NFKB1: variants seen among roughly 807,000 people sequenced by gnomAD.
NFKB1 encodes the protein nuclear factor kappa B subunit 1.
In NFKB1, 9 loss-of-function variants were observed where a neutral mutation model predicts 105.1. That is an observed-to-expected ratio of 0.09 (90% CI 0.05 to 0.15). The LOEUF is 0.15. Among genes scored for constraint, NFKB1 ranks in the 10% least tolerant of loss-of-function variants. NFKB1 has a pLI of 1.00. For missense variants in NFKB1, 830 were observed against 1,203.7 expected (o/e 0.69, Z 4.59); for synonymous variants, 440 against 442.2 (o/e 1.00, Z 0.06).
At chr4:102,547,273 A>G (rs546576769) in intron 5 of NFKB1, among the ~76,000 whole-genome samples, 4 of 152,340 alleles carry the variant, frequency 2.6e-5, no homozygotes, top group African/African-American at 7.2e-5. Flanking sequence ...ATGATTCAAC[A>G]TAGTTAACAT....
At position 102,566,842 on chromosome 4, in the gene NFKB1, T is replaced by G. The variant is rs895311866; in HGVS notation, c.259-145T>G. The stretch of plus-strand genomic sequence containing the variant: ...ACCCTGTCATTTGTTCATCACATAC[T>G]TTTAAAAACAGGGCTGTAATCATGT... On this transcript the variant is annotated intron_variant, in intron 5 of 23. Transcript: ENST00000226574. 13 of 763,564 alleles carry G rather than the reference T, an allele frequency of 1.7e-5. No individual in the cohort carries two copies. In the Admixed American group the frequency reaches 2.5e-4, roughly 15 times the overall value. The allele number at this position is 763,564 out of a possible 1,614,324, so 47.3% of individuals were successfully genotyped here.
chr4:102,576,857 G>C lies in NFKB1; in HGVS notation c.408-19G>C. The C allele has an allele frequency of 6.3e-7, 1 of 1,597,692 alleles. No individual in the cohort carries two copies. Among genetic ancestry groups the C allele is most frequent in the Non-Finnish European group, 8.5e-7 (1 of 1,173,168 alleles). On this transcript the variant is annotated intron_variant, in intron 6 of 23. Transcript: ENST00000226574. ...ACTTTTGGTTGTTGTTGCTGCTGCT[G>C]TTACTGTTTTTTCTCCAGCTTCGCA...
At chr4:102,542,872 C>CA in intron 5 of NFKB1, among the ~76,000 whole-genome samples, 1 of 152,118 alleles carries the variant, frequency 6.6e-6, no homozygotes, top group Non-Finnish European at 1.5e-5. Context: ...ACTCTTATAG[C>CA]AAAAAATAAT....
intron 4 of NFKB1, among the ~76,000 whole-genome samples, chr4:102,536,942 C>G (rs1022238930): frequency 2.0e-5 from 3 of 152,184 alleles, no homozygotes; most frequent in Non-Finnish European, 4.4e-5. Flanking sequence ...TCAGGAAATA[C>G]AGCGAAACCT....
chr4:102,505,182 T>C (rs3774933), intron 1 of NFKB1, among the ~76,000 whole-genome samples: 59,865 of 151,960 alleles, frequency 0.39, 11,957 homozygotes, highest in Admixed American at 0.47. Flanking sequence ...AGAAAATAAG[T>C]TGTGCAAATT....
In NFKB1 at chr4:102,576,789, T is replaced by A. The variant is rs1220171889; in HGVS notation, c.408-87T>A. On this transcript the variant is annotated intron_variant, in intron 6 of 23. Transcript: ENST00000226574. ...CATTGAGGGCCTGTGTATTTTTTTT[T>A]AATTTACAAGTGAAGCCAGATTCCC... 8 of 1,379,208 alleles carry A rather than the reference T, an allele frequency of 5.8e-6. No homozygotes were observed. In the African/African-American group the frequency reaches 7.3e-5, roughly 13 times the overall value. 85.4% of individuals were successfully genotyped at this position (1,379,208 alleles called of 1,614,324 possible). A position where few individuals can be genotyped will look rare whatever the true frequency, so the allele number is the denominator to read the frequency against.
intron 15 of NFKB1, among the ~76,000 whole-genome samples, chr4:102,599,467 C>G (rs968109424): frequency 6.6e-6 from 1 of 152,126 alleles, no homozygotes; most frequent in Non-Finnish European, 1.5e-5. Flanking sequence ...TAGAGAAGAT[C>G]CAGCCTGTAC....
chr4:102,529,705 A>G, intron 2 of NFKB1, 131 bp from the exon 3 acceptor site: 2 of 685,952 alleles, frequency 2.9e-6, no homozygotes, highest in East Asian at 5.6e-5. Flanking sequence ...CCCTGATTTA[A>G]AATATTTTCA....
chr4:102,616,417 G>T lies in NFKB1; in HGVS notation c.2750-17G>T. The T allele has an allele frequency of 1.9e-6, 3 of 1,612,732 alleles. No individual in the cohort carries two copies. The highest frequency in any genetic ancestry group is 2.5e-6 in the Non-Finnish European group (3 of 1,179,476). ...GCCCGGCCATTCCCCCAGTGAATTT[G>T]TGCTTTCTCCCCTCAGACGAGCTCC... is the stretch of plus-strand genomic sequence containing the variant. On this transcript the variant is annotated splice_polypyrimidine_tract_variant and intron_variant, in intron 23 of 23. Transcript: ENST00000226574.
chr4:102,585,807 T>C (rs546461033), intron 11 of NFKB1, among the ~76,000 whole-genome samples: 4 of 152,202 alleles, frequency 2.6e-5, no homozygotes, highest in Admixed American at 1.3e-4. Context: ...TTTCAGCAGT[T>C]GGGTGTTAAA....
At chr4:102,610,530 G>T in intron 19 of NFKB1, 45 bp from the exon 20 acceptor site, 1 of 1,590,064 alleles carries the variant, frequency 6.3e-7, no homozygotes, top group South Asian at 1.1e-5. Context: ...GTTGGAAGTT[G>T]ACAAGATCTG....
At chr4:102,613,375 A>T in intron 22 of NFKB1, 50 bp from the exon 23 acceptor site, 1 of 1,595,514 alleles carries the variant, frequency 6.3e-7, no homozygotes. Context: ...TACAGCCTGC[A>T]CTGGGACTCG....
rs1329921442 is a variant in NFKB1 at position 102,612,087 on chromosome 4, C to T, written c.2396C>T (p.Thr799Ile). The T allele has an allele frequency of 1.8e-5, 29 of 1,613,938 alleles. No individual in the cohort carries two copies. The highest frequency in any genetic ancestry group is 2.4e-5 in the Non-Finnish European group (28 of 1,179,952). ...LNGKPYEPEF[T>I]SDDLLAQGDM... ...GGGAAACCATATGAGCCAGAGTTTA[C>T]ATCTGATGATTTACTAGCACAAGGT... The change falls in exon 21 of 24, where the codon ACA becomes ATA. Residue 799 changes from threonine (T) to isoleucine (I), a missense_variant. This residue lies in a region of NFKB1 where 418 missense variants were observed against 575.3 expected (regional missense o/e 0.73). Coordinates refer to ENST00000226574, the MANE Select transcript of NFKB1 (RefSeq NM_003998.4).
At chr4:102,533,778 C>A in intron 3 of NFKB1, 67 bp from the exon 4 acceptor site, 2 of 1,340,720 alleles carry the variant, frequency 1.5e-6, no homozygotes, top group Non-Finnish European at 2.1e-6. Flanking sequence ...ACTTGCTTTA[C>A]GTTTTATACC....
At chr4:102,568,259 T>A (rs753436719) in intron 6 of NFKB1, among the ~76,000 whole-genome samples, 2 of 152,006 alleles carry the variant, frequency 1.3e-5, no homozygotes, top group Non-Finnish European at 2.9e-5. Flanking sequence ...TTCTTTTAAG[T>A]CACTAAAATC....
intron 3 of NFKB1, among the ~76,000 whole-genome samples, chr4:102,532,519 C>T (rs926005799): frequency 2.6e-5 from 4 of 152,024 alleles, no homozygotes; most frequent in Non-Finnish European, 2.9e-5. Context: ...ATTCCAGCTC[C>T]TCTGGAGGCT....
At position 102,582,775 on chromosome 4, in the gene NFKB1, G is replaced by A. The variant is rs559423608; in HGVS notation, c.836-91G>A. 102 of 767,222 alleles carry A rather than the reference G, an allele frequency of 1.3e-4. No homozygotes were observed. The African/African-American group carries it at 1.8e-3, about 13-fold the overall frequency. 47.5% of individuals were successfully genotyped at this position (767,222 alleles called of 1,614,324 possible). A position where few individuals can be genotyped will look rare whatever the true frequency, so the allele number is the denominator to read the frequency against. Reference sequence around the variant, plus strand: ...TTTTAAAAGTGTAAATAGATAGTAGGTAGAATATTAAACCAGTTTTATTTT... The same window carrying A: ...TTTTAAAAGTGTAAATAGATAGTAGATAGAATATTAAACCAGTTTTATTTT... On this transcript the variant is annotated intron_variant, in intron 9 of 23. Transcript: ENST00000226574.
chr4:102,594,778 A>G (rs1578807187), intron 12 of NFKB1, 114 bp from the exon 13 acceptor site: 2 of 647,092 alleles, frequency 3.1e-6, no homozygotes, highest in East Asian at 5.4e-5. Flanking sequence ...GTGTGGGCAC[A>G]ATACTGTCCT....
chr4:102,573,589 C>T (rs1372599068), intron 6 of NFKB1, among the ~76,000 whole-genome samples: 2 of 152,022 alleles, frequency 1.3e-5, no homozygotes, highest in African/African-American at 2.4e-5. Context: ...ATATTTAGTA[C>T]GTTTTAAAAC....
Sources: gnomAD v4.1 joint callset for allele counts (sites outside exome capture counted in the v4.1 genomes callset) on GRCh38, gnomAD v4.1.1 for gene constraint, gnomAD v4.1.1 regional missense constraint, MANE v1.5 for transcripts, NCBI Gene and HGNC (gene_info 2026-07-23, HGNC 2026-07-21) for gene names.